Variants in PDE10A observed in about 807,000 individuals in gnomAD.
The protein encoded by PDE10A is phosphodiesterase 10A, also known as cAMP and cAMP-inhibited cGMP 3',5'-cyclic phosphodiesterase 10A.
A neutral mutation model predicts 97.7 loss-of-function variants in PDE10A; 39 were observed. That is an observed-to-expected ratio of 0.40 (90% CI 0.31 to 0.52). PDE10A has a LOEUF of 0.52. Among genes scored for constraint, PDE10A ranks in the 20% least tolerant of loss-of-function variants. The pLI is 0.56. For missense variants in PDE10A, 731 were observed against 1,047.8 expected, an observed-to-expected ratio of 0.70 and a Z score of 4.17; for synonymous variants, 371 against 376.8, an observed-to-expected ratio of 0.98 and a Z score of 0.18.
chr6:165,799,228 T>C (rs2128465160), intron 1 of PDE10A, among the ~76,000 whole-genome samples: 1 of 152,126 alleles, frequency 6.6e-6, no homozygotes, highest in South Asian at 2.1e-4. Context: ...TGAAAACCAG[T>C]GAAAGAAAAA....
intron 1 of PDE10A, among the ~76,000 whole-genome samples, chr6:165,592,933 G>C (rs1266501466): frequency 1.3e-5 from 2 of 152,170 alleles, no homozygotes; most frequent in Admixed American, 1.3e-4. Flanking sequence ...ATTTGACCCA[G>C]CCATCCCATT....
At chr6:165,668,722 G>C (rs1790559184) in intron 1 of PDE10A, among the ~76,000 whole-genome samples, 1 of 146,070 alleles carries the variant, frequency 6.8e-6, no homozygotes. Flanking sequence ...GAAAGAAAGA[G>C]AGAGAGAAAG....
At chr6:165,897,808 C>T (rs995241622) in intron 1 of PDE10A, among the ~76,000 whole-genome samples, 16 of 151,948 alleles carry the variant, frequency 1.1e-4, no homozygotes, top group Non-Finnish European at 2.2e-4. Context: ...TCTGGTACAT[C>T]CCCAGAAGCC....
intron 13 of PDE10A, among the ~76,000 whole-genome samples, chr6:165,407,075 C>T (rs1369734277): frequency 1.3e-5 from 2 of 152,128 alleles, no homozygotes; most frequent in Admixed American, 6.5e-5. Context: ...CTTCCATAAT[C>T]ATATGAACCA....
chr6:165,910,157 T>C (rs1015267766), intron 1 of PDE10A, among the ~76,000 whole-genome samples: 18 of 152,106 alleles, frequency 1.2e-4, no homozygotes, highest in African/African-American at 4.3e-4. Flanking sequence ...AATGATGCAA[T>C]GTGATGACAT....
chr6:165,405,582 G>A (rs6925773), intron 13 of PDE10A, among the ~76,000 whole-genome samples: 7,320 of 152,236 alleles, frequency 0.048, 616 homozygotes, highest in African/African-American at 0.17. Flanking sequence ...ATTTTGTCCT[G>A]ACAATAATCC....
chr6:165,898,156 T>G (rs1040707994), intron 1 of PDE10A, among the ~76,000 whole-genome samples: 3 of 152,000 alleles, frequency 2.0e-5, no homozygotes, highest in African/African-American at 4.8e-5. Context: ...GTCTTCTTAC[T>G]GCTGTGCCCA....
At chr6:165,611,536 C>T (rs1005862888) in intron 1 of PDE10A, among the ~76,000 whole-genome samples, 43 of 152,176 alleles carry the variant, frequency 2.8e-4, no homozygotes, top group African/African-American at 9.2e-4. Flanking sequence ...CCAGAAGGGG[C>T]GGGGAAAGCT....
intron 1 of PDE10A, among the ~76,000 whole-genome samples, chr6:165,967,010 C>G (rs1449940859): frequency 6.6e-6 from 1 of 152,086 alleles, no homozygotes; most frequent in Non-Finnish European, 1.5e-5. Context: ...AAAGAAGAGA[C>G]AGAAATTTGA....
At chr6:165,716,633 G>A (rs6911740) in intron 1 of PDE10A, among the ~76,000 whole-genome samples, 106,180 of 152,068 alleles carry the variant, frequency 0.7, 38,509 homozygotes, top group African/African-American at 0.9. Flanking sequence ...TAAAGCCCTG[G>A]AGAAGAATGG....
At chr6:165,971,611 C>T (rs1021854512) in intron 1 of PDE10A, among the ~76,000 whole-genome samples, 1 of 152,046 alleles carries the variant, frequency 6.6e-6, no homozygotes, top group African/African-American at 2.4e-5. Context: ...CAATTAAGAA[C>T]CAAGTTTTAC....
At chr6:165,541,991 C>T (rs1583502113) in intron 2 of PDE10A, among the ~76,000 whole-genome samples, 2 of 152,290 alleles carry the variant, frequency 1.3e-5, no homozygotes, top group South Asian at 4.1e-4. Flanking sequence ...ATTACCTATA[C>T]TTCTAACACC....
At chr6:165,356,982 C>T (rs1316226614) in intron 18 of PDE10A, among the ~76,000 whole-genome samples, 1 of 152,096 alleles carries the variant, frequency 6.6e-6, no homozygotes, top group Non-Finnish European at 1.5e-5. Flanking sequence ...GGGGGTATTA[C>T]TTAATATATG....
chr6:165,618,046 T>C (rs12204986), intron 1 of PDE10A, among the ~76,000 whole-genome samples: 15,929 of 152,022 alleles, frequency 0.1, 922 homozygotes, highest in Non-Finnish European at 0.13. Flanking sequence ...GTTAGAAAAA[T>C]TGTCCAGTCA....
At chr6:165,920,506 A>G (rs1273805129) in intron 1 of PDE10A, among the ~76,000 whole-genome samples, 1 of 151,992 alleles carries the variant, frequency 6.6e-6, no homozygotes, top group Non-Finnish European at 1.5e-5. Flanking sequence ...AAATACTTTG[A>G]GTGACAATCA....
At chr6:165,636,627 C>T (rs1052976979) in intron 1 of PDE10A, among the ~76,000 whole-genome samples, 1 of 152,212 alleles carries the variant, frequency 6.6e-6, no homozygotes, top group East Asian at 1.9e-4. Flanking sequence ...GCTTCCCACC[C>T]TAAATGCAAT....
In PDE10A at chr6:165,661,922, G is replaced by C; in HGVS notation, c.865+25C>G. ...GGGGATGAGGAGCCGCCCCACCTCC[G>C]GGGAACGGGGAGCAGGCCACTTACT... On this transcript the variant is annotated intron_variant, in intron 1 of 21. Coordinates refer to ENST00000539869, the MANE Select transcript of PDE10A (RefSeq NM_001385079.1). The surrounding 1 kb of genome is among the most constrained non-coding windows in gnomAD (Gnocchi z 4.8). 5 of 865,754 alleles carry C rather than the reference G, an allele frequency of 5.8e-6. No individual in the cohort carries two copies. The highest frequency in any genetic ancestry group is 7.5e-6 in the Non-Finnish European group (4 of 529,992). 53.6% of individuals were successfully genotyped at this position (865,754 alleles called of 1,614,324 possible). A position where few individuals can be genotyped will look rare whatever the true frequency, so the allele number is the denominator to read the frequency against.
intron 1 of PDE10A, among the ~76,000 whole-genome samples, chr6:165,933,404 T>C (rs1783209288): frequency 6.6e-6 from 1 of 152,180 alleles, no homozygotes; most frequent in Non-Finnish European, 1.5e-5. Flanking sequence ...AATTTGGATA[T>C]TACCAGGCAA....
At chr6:165,715,841 T>C (rs1009868780) in intron 1 of PDE10A, among the ~76,000 whole-genome samples, 2 of 152,198 alleles carry the variant, frequency 1.3e-5, no homozygotes, top group African/African-American at 4.8e-5. Flanking sequence ...CTGTGTGTCC[T>C]CTCCTGTGGC....
Sources: allele counts gnomAD v4.1 joint callset (sites outside exome capture counted in the v4.1 genomes callset), GRCh38; gene constraint gnomAD v4.1.1; non-coding constraint Gnocchi (gnomAD v3.1); transcripts MANE v1.5; gene names NCBI Gene and HGNC (gene_info 2026-07-23, HGNC 2026-07-21).